Variants in ADGRD1 observed in about 807,000 individuals in gnomAD.
ADGRD1 encodes adhesion G protein-coupled receptor D1.
ADGRD1 carries 77 observed loss-of-function variants against 113.4 expected under a neutral mutation model. The ratio of observed to expected loss-of-function variants is 0.68; its 90% CI spans 0.57 to 0.82. ADGRD1 has a LOEUF of 0.82. Among genes scored for constraint, ADGRD1 ranks in the 40% least tolerant of loss-of-function variants. The probability of loss-of-function intolerance (pLI) is 0.00; values close to 1 mark genes in which losing one functional copy is unlikely to be tolerated. For missense variants in ADGRD1, 1,036 were observed against 1,139.1 expected (o/e 0.91, Z 1.30); for synonymous variants, 474 against 475.0 (o/e 1.00, Z 0.03).
intron 3 of ADGRD1, chr12:130,969,028 TG>T: frequency 6.5e-7 from 1 of 1,534,894 alleles, no homozygotes; most frequent in East Asian, 2.4e-5. Context: ...GCTACTTTTG[TG>T]TATTCCAATG....
intron 15 of ADGRD1, among the ~76,000 whole-genome samples, chr12:131,097,552 G>A (rs1258681426): frequency 6.6e-6 from 1 of 152,202 alleles, no homozygotes; most frequent in African/African-American, 2.4e-5. Context: ...CACATGCTAC[G>A]GCTGCCTACG....
At chr12:131,109,162 C>A (rs1950297668) in intron 18 of ADGRD1, among the ~76,000 whole-genome samples, 2 of 152,218 alleles carry the variant, frequency 1.3e-5, no homozygotes, top group Non-Finnish European at 1.5e-5. Flanking sequence ...ACATTTCCAA[C>A]ATTCCTGACT....
chr12:130,995,972 G>A (rs1593318533), intron 8 of ADGRD1, among the ~76,000 whole-genome samples: 3 of 151,872 alleles, frequency 2.0e-5, no homozygotes, highest in East Asian at 3.9e-4. Context: ...AGGGAGTGGT[G>A]ATGACTCTTA....
chr12:130,955,715 A>ACC (rs200613464), intron 2 of ADGRD1, among the ~76,000 whole-genome samples: 8 of 151,858 alleles, frequency 5.3e-5, no homozygotes, highest in African/African-American at 1.9e-4. Flanking sequence ...TTGGCTGGGC[A>ACC]CCCCCCCGAG....
chr12:131,139,317 A>G lies in ADGRD1; in HGVS notation c.*54A>G, dbSNP rs1593286076. 2 of 1,224,812 alleles carry G rather than the reference A, an allele frequency of 1.6e-6. No individual in the cohort carries two copies. The highest frequency in any genetic ancestry group is 3.8e-5 in the Admixed American group (2 of 53,286). 75.9% of individuals were successfully genotyped at this position (1,224,812 alleles called of 1,614,324 possible). On this transcript the variant is annotated 3_prime_UTR_variant, in exon 25 of 25. Coordinates refer to ENST00000261654, the MANE Select transcript of ADGRD1 (RefSeq NM_198827.5). ...GCGCTCAGAACACACCCCCCCAAACAGAATGAAATGCCCCACCTTTGCCCA... is the reference window on the plus strand; with the variant it reads ...GCGCTCAGAACACACCCCCCCAAACGGAATGAAATGCCCCACCTTTGCCCA...
intron 17 of ADGRD1, among the ~76,000 whole-genome samples, chr12:131,108,028 G>A (rs541858608): frequency 6.6e-6 from 1 of 152,278 alleles, no homozygotes; most frequent in South Asian, 2.1e-4. Context: ...GCCCCAGGAG[G>A]ATCTGAGGCT....
In ADGRD1 at chr12:130,981,931, C is replaced by G. The variant is rs757045872; in HGVS notation, c.358C>G (p.Pro120Ala). Residue 120 changes from proline (P) to alanine (A), a missense_variant, in exon 5 of 25, where the codon CCA becomes GCA. Pro to Ala is a conservative substitution (Grantham distance 27). Transcript: ENST00000261654. ...GAAGACACAAGGAGAACAGTCTAGA[C>G]CAATCCCTTCTGCGTATGGGGGACA... ...FWKTQGEQSR[P>A]IPSAYGGQVI... 15 of 1,613,900 alleles carry G rather than the reference C, an allele frequency of 9.3e-6. No homozygotes were observed. In the South Asian group the frequency reaches 1.6e-4, roughly 18 times the overall value.
intron 10 of ADGRD1, 117 bp from the exon 11 acceptor site, chr12:131,004,069 C>G: frequency 1.9e-6 from 1 of 517,762 alleles, no homozygotes. Flanking sequence ...GGTAATTATA[C>G]TTCCCGTGGG....
At chr12:131,030,261 G>A (rs977105547) in intron 13 of ADGRD1, among the ~76,000 whole-genome samples, 3 of 146,828 alleles carry the variant, frequency 2.0e-5, no homozygotes, top group Non-Finnish European at 4.5e-5. Flanking sequence ...ACCCGTCGTA[G>A]GTGACATTCC....
chr12:131,101,350 TTTTA>T (rs1411778392), intron 15 of ADGRD1, among the ~76,000 whole-genome samples: 9 of 145,408 alleles, frequency 6.2e-5, no homozygotes, highest in Non-Finnish European at 1.2e-4. Context: ...CTTTTCTTTC[TTTTA>T]TTTTTTTTCT....
rs920357216 is a variant in ADGRD1, at chr12:131,050,770, G to A, written c.1474-26031G>A. ...ACGGATGGGGTGGGGGATGGATTCG[G>A]GATGAAACTGTTCCCCCTCAGATCA... On this transcript the variant is annotated intron_variant, in intron 13 of 24. Coordinates refer to ENST00000261654, the MANE Select transcript of ADGRD1 (RefSeq NM_198827.5). The surrounding 1 kb of genome is among the most constrained non-coding windows in gnomAD (Gnocchi z 4.8). Among the ~76,000 whole-genome samples, 1 of 152,122 alleles carries A rather than the reference G, an allele frequency of 6.6e-6. No individual in the cohort carries two copies. Among genetic ancestry groups the A allele is most frequent in the Non-Finnish European group, 1.5e-5 (1 of 68,016 alleles).
chr12:131,112,274 C>T (rs1442874545), intron 18 of ADGRD1, among the ~76,000 whole-genome samples: 2 of 152,164 alleles, frequency 1.3e-5, no homozygotes, highest in Non-Finnish European at 2.9e-5. Context: ...GCCTCTCTCT[C>T]AAGCTCTCTA....
At chr12:131,123,645 C>T (rs536672470) in intron 20 of ADGRD1, among the ~76,000 whole-genome samples, 9 of 151,868 alleles carry the variant, frequency 5.9e-5, no homozygotes, top group Non-Finnish European at 1.3e-4. Context: ...CACAGTGAAA[C>T]CCCGCCTCTA....
chr12:130,963,699 C>T (rs1364416867), intron 2 of ADGRD1, among the ~76,000 whole-genome samples: 2 of 152,102 alleles, frequency 1.3e-5, no homozygotes, highest in Non-Finnish European at 2.9e-5. Context: ...TGTAGATGAG[C>T]ATTTAGGCTG....
intron 8 of ADGRD1, among the ~76,000 whole-genome samples, 167 bp from the exon 9 acceptor site, chr12:131,000,216 C>T (rs981052856): frequency 2.6e-5 from 4 of 152,184 alleles, no homozygotes; most frequent in East Asian, 1.9e-4. Flanking sequence ...AAAAGGGCTT[C>T]GTAACATATC....
At chr12:131,038,371 C>G (rs1881761003) in intron 13 of ADGRD1, among the ~76,000 whole-genome samples, 1 of 152,220 alleles carries the variant, frequency 6.6e-6, no homozygotes, top group Non-Finnish European at 1.5e-5. Flanking sequence ...AAACCTGCAT[C>G]TCGCCTGCCT....
In ADGRD1 at chr12:130,997,536, C is replaced by T. The variant is rs1483013658; in HGVS notation, c.967-2847C>T. 1.9e-3 allele frequency among the ~76,000 whole-genome samples: 287 copies of T among 151,848 alleles called. 2 individuals carry two copies. Among genetic ancestry groups the T allele is most frequent in the African/African-American group, 5.9e-3 (245 of 41,338 alleles). ...CTCACCTCCCAGATGGGGTCACAGC[C>T]GAGCAGAGGCGCTCCTCACATCCCA... On this transcript the variant is annotated intron_variant, in intron 8 of 24. Transcript: ENST00000261654.
At chr12:131,006,525 C>T (rs1179763224) in intron 12 of ADGRD1, among the ~76,000 whole-genome samples, 1 of 152,214 alleles carries the variant, frequency 6.6e-6, no homozygotes, top group South Asian at 2.1e-4. Context: ...CCCGAGGACG[C>T]CGTCTAGACC....
chr12:131,070,701 G>A (rs1051653349), intron 13 of ADGRD1: 58 of 430,230 alleles, frequency 1.3e-4, no homozygotes, highest in South Asian at 8.7e-4. Context: ...AGATGAGGGC[G>A]TGTCCATCAC....
Sources: gnomAD v4.1 joint callset for allele counts (sites outside exome capture counted in the v4.1 genomes callset) on GRCh38, gnomAD v4.1.1 for gene constraint, Gnocchi (gnomAD v3.1) non-coding constraint, MANE v1.5 for transcripts, NCBI Gene and HGNC (gene_info 2026-07-23, HGNC 2026-07-21) for gene names.